NAALADL2: variants seen among roughly 807,000 people sequenced by gnomAD.
The protein encoded by NAALADL2 is inactive N-acetylated-alpha-linked acidic dipeptidase-like protein 2.
NAALADL2 carries 76 observed loss-of-function variants against 87.2 expected under a neutral mutation model. The ratio of observed to expected loss-of-function variants is 0.87; its 90% CI spans 0.72 to 1.05. NAALADL2 has a LOEUF of 1.05. Ranked by LOEUF, NAALADL2 falls within the 50% of genes least tolerant of loss-of-function variation. The pLI is 0.00. For synonymous variants in NAALADL2, 354 were observed against 331.0 expected, an observed-to-expected ratio of 1.07 and a Z score of -0.75; for missense variants, 1,089 against 945.8, an observed-to-expected ratio of 1.15 and a Z score of -1.99.
At chr3:175,757,276 A>G (rs958695331) in intron 13 of NAALADL2, among the ~76,000 whole-genome samples, 1 of 152,108 alleles carries the variant, frequency 6.6e-6, no homozygotes, top group African/African-American at 2.4e-5. Context: ...AAAAGGTAAA[A>G]TAATAAATAT....
chr3:174,823,973 A>G (rs1368705038), intron 3 of NAALADL2, among the ~76,000 whole-genome samples: 2 of 152,316 alleles, frequency 1.3e-5, no homozygotes, highest in African/African-American at 2.4e-5. Flanking sequence ...AAATCTTTCA[A>G]TTCTTAGTAT....
chr3:174,732,509 C>T (rs1732801474), intron 2 of NAALADL2, among the ~76,000 whole-genome samples: 1 of 152,012 alleles, frequency 6.6e-6, no homozygotes. Context: ...TTGTGATATT[C>T]TATATATTAA....
At chr3:175,394,113 G>A (rs1485150380) in intron 5 of NAALADL2, among the ~76,000 whole-genome samples, 1 of 152,048 alleles carries the variant, frequency 6.6e-6, no homozygotes, top group Non-Finnish European at 1.5e-5. Flanking sequence ...CTATTCCTGA[G>A]GAAAAAGAAA....
chr3:175,758,169 T>A (rs1286357966), intron 13 of NAALADL2, among the ~76,000 whole-genome samples: 3 of 152,026 alleles, frequency 2.0e-5, no homozygotes, highest in Non-Finnish European at 4.4e-5. Context: ...ATTAAACACA[T>A]CATTTTATTC....
chr3:174,586,196 G>T (rs775644300), intron 2 of NAALADL2, among the ~76,000 whole-genome samples: 42 of 152,152 alleles, frequency 2.8e-4, no homozygotes, highest in Non-Finnish European at 4.9e-4. Context: ...AGCACTGTTT[G>T]TGTGCTAGGC....
chr3:175,092,608 A>G (rs1427087163), intron 1 of NAALADL2, among the ~76,000 whole-genome samples: 1 of 151,878 alleles, frequency 6.6e-6, no homozygotes, highest in Non-Finnish European at 1.5e-5. Context: ...TTAAGCCAGT[A>G]TTTGTGAAAT....
At chr3:174,801,325 G>T (rs183168009) in intron 3 of NAALADL2, among the ~76,000 whole-genome samples, 2 of 152,154 alleles carry the variant, frequency 1.3e-5, no homozygotes, top group Non-Finnish European at 2.9e-5. Flanking sequence ...GAGATCTGAT[G>T]GTTTGATAAA....
At chr3:175,399,074 CT>C (rs548342312) in intron 5 of NAALADL2, among the ~76,000 whole-genome samples, 2 of 151,540 alleles carry the variant, frequency 1.3e-5, no homozygotes, top group South Asian at 2.1e-4. Context: ...AAAGAGAATA[CT>C]TTTTTTTAAC....
chr3:175,407,756 G>C (rs947093005), intron 5 of NAALADL2, among the ~76,000 whole-genome samples: 1 of 152,120 alleles, frequency 6.6e-6, no homozygotes, highest in Non-Finnish European at 1.5e-5. Flanking sequence ...CATGAAACTG[G>C]GTAAATCGGT....
chr3:174,722,738 A>C (rs76115629), intron 2 of NAALADL2, among the ~76,000 whole-genome samples: 5,110 of 152,338 alleles, frequency 0.034, 113 homozygotes, highest in African/African-American at 0.061. Context: ...GGAAATATTT[A>C]AAAATTGTTA....
At chr3:175,601,963 C>T (rs145124946) in intron 10 of NAALADL2, among the ~76,000 whole-genome samples, 7 of 152,178 alleles carry the variant, frequency 4.6e-5, no homozygotes, top group African/African-American at 1.7e-4. Flanking sequence ...ACATTTTTAC[C>T]AATTGCAAAA....
intron 3 of NAALADL2, among the ~76,000 whole-genome samples, chr3:174,803,513 C>T (rs1419298406): frequency 6.6e-6 from 1 of 151,992 alleles, no homozygotes; most frequent in Non-Finnish European, 1.5e-5. Context: ...GCTTTTGTTG[C>T]TTTTGGTGTT....
At chr3:175,017,217 G>A (rs9851681) in intron 1 of NAALADL2, among the ~76,000 whole-genome samples, 1,707 of 150,658 alleles carry the variant, frequency 0.011, 8 homozygotes, top group African/African-American at 0.019. Flanking sequence ...ACTTAATACC[G>A]TATATCTTAT....
intron 5 of NAALADL2, among the ~76,000 whole-genome samples, chr3:175,380,267 C>A (rs1189832579): frequency 6.6e-6 from 1 of 151,912 alleles, no homozygotes; most frequent in Non-Finnish European, 1.5e-5. Flanking sequence ...CTTCCTCCAC[C>A]ATCATTCTTA....
At chr3:175,292,892 C>T (rs1755822135) in intron 4 of NAALADL2, among the ~76,000 whole-genome samples, 2 of 151,682 alleles carry the variant, frequency 1.3e-5, no homozygotes, top group South Asian at 4.2e-4. Context: ...AAAAAATAAG[C>T]CGGGCTTGGT....
At chr3:175,169,814 T>C (rs535163010) in intron 2 of NAALADL2, among the ~76,000 whole-genome samples, 3 of 151,970 alleles carry the variant, frequency 2.0e-5, no homozygotes, top group South Asian at 4.1e-4. Context: ...TGCATAGGAA[T>C]AGATACCTGG....
intron 1 of NAALADL2, among the ~76,000 whole-genome samples, chr3:174,861,005 G>A (rs1726416728): frequency 6.6e-6 from 1 of 152,048 alleles, no homozygotes; most frequent in South Asian, 2.1e-4. Context: ...TAAATAATTT[G>A]AATGGTGTGC....
chr3:174,812,155 TAGC>T (rs906592128), intron 3 of NAALADL2, among the ~76,000 whole-genome samples: 10 of 152,170 alleles, frequency 6.6e-5, no homozygotes, highest in African/African-American at 2.2e-4. Flanking sequence ...TTTTTTTTAA[TAGC>T]AGCGTGAGAA....
chr3:175,412,618 A>T (rs563618053), intron 5 of NAALADL2, among the ~76,000 whole-genome samples: 3 of 152,210 alleles, frequency 2.0e-5, no homozygotes, highest in Admixed American at 6.5e-5. Context: ...AAAGAAAAAA[A>T]TACCCAGATG....
Sources: allele counts gnomAD v4.1 joint callset (sites outside exome capture counted in the v4.1 genomes callset), GRCh38; gene constraint gnomAD v4.1.1; transcripts MANE v1.5; gene names NCBI Gene and HGNC (gene_info 2026-07-23, HGNC 2026-07-21).